Variants in NRXN1 observed in about 807,000 individuals in gnomAD.
NRXN1 encodes neurexin-1.
NRXN1 carries 39 observed loss-of-function variants against 150.9 expected under a neutral mutation model. The observed-to-expected ratio is 0.26, with a 90% confidence interval of 0.20 to 0.34. The LOEUF is 0.34. Among genes scored for constraint, NRXN1 ranks in the 10% least tolerant of loss-of-function variants. The pLI, the probability that NRXN1 is intolerant of heterozygous loss-of-function variation, is 1.00. For synonymous variants in NRXN1, 924 were observed against 757.0 expected (o/e 1.22, Z -3.62); for missense variants, 1,815 against 1,949.9 (o/e 0.93, Z 1.30).
intron 8 of NRXN1, among the ~76,000 whole-genome samples, chr2:50,579,342 A>G (rs1309226189): frequency 6.6e-6 from 1 of 152,212 alleles, no homozygotes; most frequent in Non-Finnish European, 1.5e-5. Flanking sequence ...AGGAGACAAA[A>G]AAGCCACAAA....
chr2:50,071,937 T>C (rs1288195143), intron 19 of NRXN1, among the ~76,000 whole-genome samples: 1 of 152,222 alleles, frequency 6.6e-6, no homozygotes, highest in Non-Finnish European at 1.5e-5. Context: ...TGCTGCAAAT[T>C]GTAATATTCT....
chr2:50,369,808 T>G (rs917849577), intron 17 of NRXN1, among the ~76,000 whole-genome samples: 1 of 152,002 alleles, frequency 6.6e-6, no homozygotes, highest in Non-Finnish European at 1.5e-5. Flanking sequence ...GCTTTCTGAA[T>G]GTACGGAGAC....
chr2:50,429,405 T>G (rs1019099507), intron 17 of NRXN1, among the ~76,000 whole-genome samples: 2 of 152,064 alleles, frequency 1.3e-5, no homozygotes, highest in East Asian at 3.9e-4. Flanking sequence ...TACAGGCACA[T>G]GCCATCACGC....
Position 50,504,350 on chromosome 2 carries a change from T to C in NRXN1, c.2497+2145A>G, listed in dbSNP as rs534364096. Among the ~76,000 whole-genome samples the C allele has an allele frequency of 2.5e-3, 383 of 152,194 alleles. 3 individuals are homozygous for C. Among genetic ancestry groups the C allele is most frequent in the African/African-American group, 8.8e-3 (366 of 41,532 alleles). ...AGGGGATATTCCCATTTTTAAAAAA[T>C]ACATGCTGAAGTATTTCGGGTTAAA... On this transcript the variant is annotated intron_variant, in intron 13 of 22. Transcript: ENST00000401669.
intron 17 of NRXN1, among the ~76,000 whole-genome samples, chr2:50,401,521 G>C (rs2082390471): frequency 6.6e-6 from 1 of 152,122 alleles, no homozygotes; most frequent in African/African-American, 2.4e-5. Context: ...ATTCCTTCTA[G>C]ATTTGATTCC....
chr2:50,297,476 C>T (rs754052785), intron 17 of NRXN1, among the ~76,000 whole-genome samples: 8 of 152,106 alleles, frequency 5.3e-5, no homozygotes, highest in Non-Finnish European at 1.0e-4. Context: ...GTAACTTGTA[C>T]AAAGCTAACA....
chr2:50,118,664 A>T (rs1033771858), intron 18 of NRXN1, among the ~76,000 whole-genome samples: 2 of 152,166 alleles, frequency 1.3e-5, no homozygotes, highest in Non-Finnish European at 2.9e-5. Flanking sequence ...GGCACTAAAA[A>T]TACCTTTGAA....
chr2:50,630,831 G>A (rs1298721214), intron 5 of NRXN1, among the ~76,000 whole-genome samples: 3 of 151,606 alleles, frequency 2.0e-5, no homozygotes, highest in African/African-American at 7.2e-5. Context: ...TATTCTAGAA[G>A]TCAAATACAC....
chr2:50,196,569 T>C (rs1559071569), intron 18 of NRXN1, among the ~76,000 whole-genome samples: 1 of 152,140 alleles, frequency 6.6e-6, no homozygotes, highest in South Asian at 2.1e-4. Context: ...AGTGTAGAAG[T>C]GAGGCAATAT....
intron 21 of NRXN1, among the ~76,000 whole-genome samples, chr2:50,025,427 T>A (rs1282917273): frequency 6.6e-6 from 1 of 152,068 alleles, no homozygotes; most frequent in Non-Finnish European, 1.5e-5. Context: ...CATGTTGAAA[T>A]GAATGGAACT....
chr2:50,020,558 G>A (rs1687413482), intron 21 of NRXN1, among the ~76,000 whole-genome samples: 1 of 152,104 alleles, frequency 6.6e-6, no homozygotes. Flanking sequence ...ATTAACTACT[G>A]GTAGAAATCC....
intron 5 of NRXN1, among the ~76,000 whole-genome samples, chr2:50,920,576 C>G (rs145687472): frequency 6.6e-6 from 1 of 151,802 alleles, no homozygotes; most frequent in Non-Finnish European, 1.5e-5. Flanking sequence ...ATATTCTTCC[C>G]TCTATGCCAT....
chr2:50,817,958 T>G (rs562415329), intron 5 of NRXN1, among the ~76,000 whole-genome samples: 10 of 151,966 alleles, frequency 6.6e-5, no homozygotes, highest in African/African-American at 2.4e-4. Flanking sequence ...TAATGCTCAC[T>G]CTTGCCACTT....
intron 5 of NRXN1, among the ~76,000 whole-genome samples, chr2:50,751,828 C>T (rs1462775910): frequency 6.6e-6 from 1 of 151,938 alleles, no homozygotes. Context: ...GCAAAACTTT[C>T]CACAGGTGTC....
At chr2:50,472,227 C>A (rs1395134222) in intron 16 of NRXN1, 71 bp downstream of exon 16, 2 of 1,293,530 alleles carry the variant, frequency 1.5e-6, no homozygotes, top group Non-Finnish European at 2.0e-6. Flanking sequence ...TTTTGCTGGA[C>A]AGTGAGATTC....
chr2:50,598,693 T>C (rs1675693721), intron 8 of NRXN1, among the ~76,000 whole-genome samples: 1 of 146,066 alleles, frequency 6.8e-6, no homozygotes, highest in South Asian at 2.1e-4. Context: ...TATATACATA[T>C]CTATATATAT....
intron 5 of NRXN1, among the ~76,000 whole-genome samples, chr2:50,749,123 G>C (rs1700313469): frequency 6.8e-6 from 1 of 148,122 alleles, no homozygotes; most frequent in South Asian, 2.1e-4. Context: ...CTGTTTTATA[G>C]AAAACCTATT....
intron 17 of NRXN1, among the ~76,000 whole-genome samples, chr2:50,465,241 A>C (rs2088696106): frequency 6.6e-6 from 1 of 151,858 alleles, no homozygotes; most frequent in South Asian, 2.1e-4. Flanking sequence ...AAAACCAAAG[A>C]ATCACCATCA....
At chr2:50,493,318 C>T (rs1318577865) in intron 15 of NRXN1, among the ~76,000 whole-genome samples, 2 of 152,120 alleles carry the variant, frequency 1.3e-5, no homozygotes, top group Non-Finnish European at 2.9e-5. Flanking sequence ...AAAAATGCCT[C>T]GTTGCTCTTG....
Sources: gnomAD v4.1 joint callset for allele counts (sites outside exome capture counted in the v4.1 genomes callset) on GRCh38, gnomAD v4.1.1 for gene constraint, MANE v1.5 for transcripts, NCBI Gene and HGNC (gene_info 2026-07-23, HGNC 2026-07-21) for gene names.